The following RCSD1 variants were observed in gnomAD, a reference collection of about 807,000 sequenced individuals.
RCSD1 encodes RCSD domain containing 1.
RCSD1 carries 26 observed loss-of-function variants against 42.5 expected under a neutral mutation model. The ratio of observed to expected loss-of-function variants is 0.61; its 90% CI spans 0.45 to 0.85. The LOEUF (loss-of-function observed/expected upper bound fraction) is 0.85. Ranked by LOEUF, RCSD1 falls within the 40% of genes least tolerant of loss-of-function variation. The probability of loss-of-function intolerance (pLI) is 0.00; values close to 1 mark genes in which losing one functional copy is unlikely to be tolerated. For synonymous variants in RCSD1, 220 were observed against 212.2 expected (o/e 1.04, Z -0.32); for missense variants, 571 against 528.3 (o/e 1.08, Z -0.79).
At chr1:167,631,396 C>T (rs1657693365) in intron 1 of RCSD1, among the ~76,000 whole-genome samples, 1 of 152,238 alleles carries the variant, frequency 6.6e-6, no homozygotes, top group Non-Finnish European at 1.5e-5. Context: ...ATGTGTTGCT[C>T]ACTAGACTGT....
chr1:167,632,707 GCCTAGTC>G (rs58593459), intron 1 of RCSD1, among the ~76,000 whole-genome samples: 780 of 11,306 alleles, frequency 0.069, 3 homozygotes, highest in East Asian at 0.24. Flanking sequence ...AGGTCACTAA[GCCTAGTC>G]CATCAATTTG....
intron 1 of RCSD1, among the ~76,000 whole-genome samples, chr1:167,659,206 T>G (rs1165425681): frequency 1.3e-5 from 2 of 152,236 alleles, no homozygotes; most frequent in Non-Finnish European, 2.9e-5. Flanking sequence ...GTTTTGAATT[T>G]GCTTTTCTAT....
intron 1 of RCSD1, among the ~76,000 whole-genome samples, chr1:167,638,999 C>A (rs556652172): frequency 6.6e-6 from 1 of 152,120 alleles, no homozygotes; most frequent in Non-Finnish European, 1.5e-5. Context: ...GGGCGGATCA[C>A]GAGGTCAGGA....
intron 1 of RCSD1, among the ~76,000 whole-genome samples, chr1:167,636,574 C>T (rs374800438): frequency 6.6e-6 from 1 of 151,310 alleles, no homozygotes; most frequent in African/African-American, 2.4e-5. Flanking sequence ...GCACTAGCTT[C>T]TTTTTGTTTT....
intron 1 of RCSD1, among the ~76,000 whole-genome samples, chr1:167,659,699 T>G (rs1658499898): frequency 6.6e-6 from 1 of 152,190 alleles, no homozygotes; most frequent in Non-Finnish European, 1.5e-5. Flanking sequence ...TAGCTCCAGC[T>G]TTTAGCTTCT....
At chr1:167,677,471 C>T (rs1289446953) in intron 1 of RCSD1, among the ~76,000 whole-genome samples, 1 of 152,146 alleles carries the variant, frequency 6.6e-6, no homozygotes, top group African/African-American at 2.4e-5. Context: ...CAGGTCTGTG[C>T]CTTTCGCCAA....
chr1:167,631,016 G>A (rs1251072061), intron 1 of RCSD1, among the ~76,000 whole-genome samples: 2 of 152,144 alleles, frequency 1.3e-5, no homozygotes, highest in African/African-American at 4.8e-5. Flanking sequence ...CCCCTTACTG[G>A]TCAGTCGAAT....
chr1:167,636,485 T>A (rs1015916759), intron 1 of RCSD1, among the ~76,000 whole-genome samples: 1 of 152,234 alleles, frequency 6.6e-6, no homozygotes. Context: ...GCCAACCTCC[T>A]GGCCTCGAGG....
intron 1 of RCSD1, among the ~76,000 whole-genome samples, chr1:167,634,732 A>T (rs1657792083): frequency 6.6e-6 from 1 of 152,200 alleles, no homozygotes; most frequent in African/African-American, 2.4e-5. Flanking sequence ...AAAAGTCATA[A>T]ATTTCTAACT....
intron 5 of RCSD1, among the ~76,000 whole-genome samples, chr1:167,694,940 C>T (rs1226936154): frequency 1.3e-5 from 2 of 152,150 alleles, no homozygotes; most frequent in African/African-American, 4.8e-5. Flanking sequence ...AGCAGGTAGC[C>T]AACAAATGTG....
At chr1:167,645,816 C>T (rs1417913923) in intron 1 of RCSD1, among the ~76,000 whole-genome samples, 1 of 152,138 alleles carries the variant, frequency 6.6e-6, no homozygotes, top group African/African-American at 2.4e-5. Flanking sequence ...GTTGGAAGGA[C>T]TGGATGCAGT....
At chr1:167,677,887 G>A (rs1467247965) in intron 1 of RCSD1, among the ~76,000 whole-genome samples, 2 of 152,206 alleles carry the variant, frequency 1.3e-5, no homozygotes, top group African/African-American at 4.8e-5. Context: ...AATTATGAGG[G>A]GGGTATGTCG....
intron 1 of RCSD1, among the ~76,000 whole-genome samples, chr1:167,665,203 A>G (rs978287494): frequency 4.6e-5 from 7 of 152,150 alleles, no homozygotes; most frequent in Non-Finnish European, 1.0e-4. Context: ...ATGTTATGTA[A>G]ATAGAACCAT....
intron 1 of RCSD1, among the ~76,000 whole-genome samples, chr1:167,673,400 T>A (rs1658860106): frequency 6.6e-6 from 1 of 152,222 alleles, no homozygotes; most frequent in South Asian, 2.1e-4. Flanking sequence ...GAAGTCCACA[T>A]GTTGCAGCAC....
At chr1:167,675,319 C>T (rs563972920) in intron 1 of RCSD1, among the ~76,000 whole-genome samples, 1 of 150,834 alleles carries the variant, frequency 6.6e-6, no homozygotes, top group African/African-American at 2.4e-5. Context: ...ACAAGCATGG[C>T]GGAAGGCAAA....
At chr1:167,685,904 C>T (rs1276444785) in intron 3 of RCSD1, among the ~76,000 whole-genome samples, 1 of 152,144 alleles carries the variant, frequency 6.6e-6, no homozygotes, top group Non-Finnish European at 1.5e-5. Context: ...AAGGGGGCTA[C>T]ACTTACATAG....
At chr1:167,664,104 T>A (rs1658599133) in intron 1 of RCSD1, 1 of 152,226 alleles carries the variant, frequency 6.6e-6, no homozygotes, top group African/African-American at 2.4e-5. Context: ...GGTGTTATTA[T>A]CCTCATTTTA....
rs1659756178 is a variant in RCSD1 at position 167,706,300 on chromosome 1, C to G, written c.*1604C>G. The G allele has an allele frequency of 6.6e-6, 1 of 152,200 alleles. No individual in the cohort carries two copies. The highest frequency in any genetic ancestry group is 1.5e-5 in the Non-Finnish European group (1 of 68,036). 9.4% of individuals were successfully genotyped at this position (152,200 alleles called of 1,614,324 possible). On this transcript the variant is annotated 3_prime_UTR_variant, in exon 7 of 7. Coordinates refer to ENST00000367854, the MANE Select transcript of RCSD1 (RefSeq NM_052862.4). ...TCTATAAACTTGTCTGTCTATCTAT[C>G]TAGCTGGCTAGCTTGCTATCAATCT...
At chr1:167,679,167 G>A (rs1030539699) in intron 1 of RCSD1, among the ~76,000 whole-genome samples, 1 of 152,250 alleles carries the variant, frequency 6.6e-6, no homozygotes, top group Admixed American at 6.5e-5. Flanking sequence ...GCATGTTGGT[G>A]TGGAAAGAGC....
Sources: allele counts gnomAD v4.1 joint callset (sites outside exome capture counted in the v4.1 genomes callset), GRCh38; gene constraint gnomAD v4.1.1; transcripts MANE v1.5; gene names NCBI Gene and HGNC (gene_info 2026-07-23, HGNC 2026-07-21).